Variants in LRP4 observed in about 807,000 individuals in gnomAD.
The protein encoded by LRP4 is LDL receptor related protein 4, also known as low-density lipoprotein receptor-related protein 4.
A neutral mutation model predicts 220.3 loss-of-function variants in LRP4; 95 were observed. The observed-to-expected ratio is 0.43, with a 90% CI of 0.37 to 0.51. The LOEUF (loss-of-function observed/expected upper bound fraction) is 0.51, where lower values mean the gene tolerates loss of function less well. Ranked by LOEUF, LRP4 falls within the 20% of genes least tolerant of loss-of-function variation. The pLI is 0.00. For synonymous variants in LRP4, 903 were observed against 954.6 expected, an observed-to-expected ratio of 0.95 and a Z score of 1.00; for missense variants, 1,925 against 2,567.0, an observed-to-expected ratio of 0.75 and a Z score of 5.40.
At position 46,896,920 on chromosome 11, in the gene LRP4, C is replaced by T; in HGVS notation, c.871G>A (p.Gly291Arg). 1.2e-6 allele frequency: 2 copies of T among 1,614,256 alleles called. No individual in the cohort carries two copies. Among genetic ancestry groups the T allele is most frequent in the Non-Finnish European group, 1.7e-6 (2 of 1,180,038 alleles). Residue 291 changes from glycine to arginine, a missense_variant, in exon 8 of 38, where the codon GGG (glycine) becomes AGG (arginine). Around this residue, in one of 3 missense-constraint regions of LRP4, gnomAD observed 412 missense variants for 505.4 expected, o/e 0.82. Coordinates refer to ENST00000378623, the MANE Select transcript of LRP4 (RefSeq NM_002334.4). ...CTGTTGTCTGCACAGTCGTCCTCCC[C>T]ATCACAGCGCCAGGACAGGCGGACA... ...RCVRLSWRCD[G>R]EDDCADNSDE...
Position 46,890,286 on chromosome 11 carries a change from T to C in LRP4, c.1906A>G (p.Ile636Val). The change falls in exon 14 of 38, where the codon ATT becomes GTT. Residue 636 changes from isoleucine (I) to valine (V), a missense_variant. Physicochemically the swap from Ile to Val is conservative, Grantham distance 29 (BLOSUM62 3). This residue lies in a region of LRP4 where 269 missense variants were observed against 436.7 expected (regional missense o/e 0.62). Coordinates refer to ENST00000378623, the MANE Select transcript of LRP4 (RefSeq NM_002334.4). This position sits in a 1 kb window ranked among gnomAD's most constrained non-coding sequence, Gnocchi z 5.3. ...NLDGSHRKAV[I>V]SQGLPHPFAI... ...GAAGGAAGGGGCTCACCCTGGCTAATGACAGCCTTACGGTGACTCCCATCC... is the reference window on the plus strand; with the variant it reads ...GAAGGAAGGGGCTCACCCTGGCTAACGACAGCCTTACGGTGACTCCCATCC... The C allele has an allele frequency of 1.2e-6, 2 of 1,614,154 alleles. No individual in the cohort carries two copies. The highest frequency in any genetic ancestry group is 1.7e-6 in the Non-Finnish European group (2 of 1,180,002).
chr11:46,894,844 T>C, intron 11 of LRP4, 25 bp from the exon 12 acceptor site: 1 of 1,600,486 alleles, frequency 6.2e-7, no homozygotes, highest in Non-Finnish European at 8.6e-7. Context: ...AAACATGGGA[T>C]ACCCACTGGG....
chr11:46,869,507 CCT>C (rs1274681418), intron 31 of LRP4, among the ~76,000 whole-genome samples: 2 of 152,144 alleles, frequency 1.3e-5, no homozygotes, highest in Non-Finnish European at 2.9e-5. Context: ...TGAATGACTC[CCT>C]CTCTAGCAAA....
At chr11:46,900,453 T>C (rs1253249420) in intron 2 of LRP4, 75 bp from the exon 3 acceptor site, 1 of 914,310 alleles carries the variant, frequency 1.1e-6, no homozygotes, top group African/African-American at 1.6e-5. Flanking sequence ...CCAGATAGCC[T>C]TTTGCTCCAA....
intron 1 of LRP4, among the ~76,000 whole-genome samples, chr11:46,904,480 C>CATGGATGG (rs60333801): frequency 0.84 from 126,243 of 151,146 alleles, 53,687 homozygotes; most frequent in African/African-American, 0.94. Flanking sequence ...GCCTGCAATG[C>CATGGATGG]ATGGATGGAT....
chr11:46,899,561 C>A lies in LRP4; in HGVS notation c.431-58G>T. On this transcript the variant is annotated intron_variant, in intron 4 of 37. Coordinates refer to ENST00000378623, the MANE Select transcript of LRP4 (RefSeq NM_002334.4). This position sits in a 1 kb window ranked among gnomAD's most constrained non-coding sequence, Gnocchi z 5.9. ...GGGGCCCCACAGGCAACCCTCTCAC[C>A]CTCCTCTCTGACTCCCAACCTCACT... 8.3e-7 allele frequency: 1 copy of A among 1,206,188 alleles called. No homozygotes were observed. Among genetic ancestry groups the A allele is most frequent in the Non-Finnish European group, 1.2e-6 (1 of 816,808 alleles). 74.7% of individuals were successfully genotyped at this position (1,206,188 alleles called of 1,614,324 possible). A position where few individuals can be genotyped will look rare whatever the true frequency, so the allele number is the denominator to read the frequency against.
At chr11:46,898,334 C>T (rs1287107311) in intron 7 of LRP4, among the ~76,000 whole-genome samples, 1 of 152,186 alleles carries the variant, frequency 6.6e-6, no homozygotes, top group African/African-American at 2.4e-5. Flanking sequence ...TACAGGCATG[C>T]GCCACCACAC....
In LRP4 at chr11:46,858,992, G is replaced by C; in HGVS notation, c.5709C>G (p.Ser1903Arg). 1 of 1,613,988 alleles carries C rather than the reference G, an allele frequency of 6.2e-7. No individual in the cohort carries two copies. The highest frequency in any genetic ancestry group is 2.2e-5 in the East Asian group (1 of 44,874). ...AAGAGAATGTGGGCATTTAGACCTGGCTCTCTGAGGAGAGCTTGCGTTCAT... is the reference window on the plus strand; with the variant it reads ...AAGAGAATGTGGGCATTTAGACCTGCCTCTCTGAGGAGAGCTTGCGTTCAT... Reference protein sequence around the residue: ...WKHERKLSSESQV With the variant: ...WKHERKLSSERQV Residue 1903 changes from serine (S) to arginine (R), a missense_variant, in exon 38 of 38, where the codon AGC (serine) becomes AGG (arginine). Transcript: ENST00000378623.
intron 12 of LRP4, among the ~76,000 whole-genome samples, chr11:46,894,168 A>T (rs542495469): frequency 3.3e-5 from 5 of 152,326 alleles, no homozygotes; most frequent in African/African-American, 1.2e-4. Context: ...CTGGGATTAC[A>T]GGCGTGAGCC....
chr11:46,918,305 CT>C lies in LRP4; in HGVS notation c.52+22del. On this transcript the variant is annotated intron_variant, in intron 1 of 37. Transcript: ENST00000378623. The surrounding 1 kb of genome is among the most constrained non-coding windows in gnomAD (Gnocchi z 6.0). ...TGCAGCGGCCGGACCCAGGGACAAA[CT>C]TTCCCGGCGGGCGCCGCTTACCGTG... 1 of 1,509,946 alleles carries C rather than the reference CT, an allele frequency of 6.6e-7. No individual in the cohort carries two copies. Among genetic ancestry groups the C allele is most frequent in the Non-Finnish European group, 8.8e-7 (1 of 1,135,140 alleles). 93.5% of individuals were successfully genotyped at this position (1,509,946 alleles called of 1,614,324 possible).
chr11:46,901,437 C>G (rs142396785), intron 2 of LRP4, among the ~76,000 whole-genome samples: 1 of 152,320 alleles, frequency 6.6e-6, no homozygotes, highest in East Asian at 1.9e-4. Context: ...GATAATTATA[C>G]TCAGTTCATA....
chr11:46,910,680 C>CTTTTTGTTTT (rs1555175586), intron 1 of LRP4, among the ~76,000 whole-genome samples: 1 of 123,814 alleles, frequency 8.1e-6, no homozygotes, highest in African/African-American at 3.1e-5. Flanking sequence ...TCCTTGCCCC[C>CTTTTTGTTTT]TTTTTTTTTT....
In LRP4 at chr11:46,874,903, C is replaced by T. The variant is rs545724648; in HGVS notation, c.4126G>A (p.Asp1376Asn). ...AGCTCAGGAACAGGGACATGCACAT[C>T]GGTGTGGTCACTGGTGTCCAGTGAG... ...RISLDTSDHT[D>N]VHVPVPELNN... Residue 1376 changes from aspartate to asparagine, a missense_variant, in exon 28 of 38, where the codon GAT becomes AAT. This residue lies in a region of LRP4 where 1,244 missense variants were observed against 1,624.9 expected (regional missense o/e 0.77). Transcript: ENST00000378623. The T allele has an allele frequency of 4.3e-6, 7 of 1,614,142 alleles. No individual in the cohort carries two copies. Among genetic ancestry groups the T allele is most frequent in the East Asian group, 4.5e-5 (2 of 44,882 alleles).
At chr11:46,881,488 C>T (rs1468153308) in intron 20 of LRP4, among the ~76,000 whole-genome samples, 1 of 152,172 alleles carries the variant, frequency 6.6e-6, no homozygotes, top group Non-Finnish European at 1.5e-5. Context: ...TTCTTTTCAT[C>T]ATCAACCAGC....
chr11:46,859,510 T>C (rs1019672810), intron 37 of LRP4, among the ~76,000 whole-genome samples, 195 bp from the exon 38 acceptor site: 6 of 152,124 alleles, frequency 3.9e-5, no homozygotes, highest in African/African-American at 1.4e-4. Flanking sequence ...GTGATAATTA[T>C]TACCATTACC....
chr11:46,907,304 T>C (rs978343090), intron 1 of LRP4, among the ~76,000 whole-genome samples: 19 of 152,350 alleles, frequency 1.2e-4, no homozygotes, highest in Non-Finnish European at 2.5e-4. Flanking sequence ...GTATCTTTGA[T>C]CATGAAGCCA....
At chr11:46,895,490 AGAATGG>A (rs1254728175) in intron 10 of LRP4, among the ~76,000 whole-genome samples, 199 bp from the exon 11 acceptor site, 1 of 152,168 alleles carries the variant, frequency 6.6e-6, no homozygotes, top group Non-Finnish European at 1.5e-5. Flanking sequence ...CTGAGGCAGG[AGAATGG>A]CTTGAACCCA....
chr11:46,881,883 C>T lies in LRP4; in HGVS notation c.2633G>A (p.Trp878Ter). ...TCGTTCAATCTTGGGGCTCGCACCC[C>T]AGTCAGTCCAATACATGTACCTGGG... Reference protein sequence around the residue: ...PMGGYMYWTDWGASPKIERAG... With the variant: ...PMGGYMYWTD The change falls in exon 20 of 38, where the codon TGG becomes TAG. Residue 878 changes from tryptophan to a stop codon, truncating the protein, a stop_gained. Transcript: ENST00000378623. LOFTEE classifies it high-confidence loss of function. 1 of 1,614,220 alleles carries T rather than the reference C, an allele frequency of 6.2e-7. No individual in the cohort carries two copies. The highest frequency in any genetic ancestry group is 8.5e-7 in the Non-Finnish European group (1 of 1,180,050).
At chr11:46,905,180 C>G (rs1055175985) in intron 1 of LRP4, among the ~76,000 whole-genome samples, 5 of 152,072 alleles carry the variant, frequency 3.3e-5, no homozygotes, top group African/African-American at 9.7e-5. Context: ...CCCCTGCCCC[C>G]ACTCCATCCT....
Sources: allele counts gnomAD v4.1 joint callset (sites outside exome capture counted in the v4.1 genomes callset), GRCh38; gene constraint gnomAD v4.1.1; regional missense constraint gnomAD v4.1.1; non-coding constraint Gnocchi (gnomAD v3.1); transcripts MANE v1.5; gene names NCBI Gene and HGNC (gene_info 2026-07-23, HGNC 2026-07-21).